Variants in SLC16A12 observed in about 807,000 individuals in gnomAD.
The protein encoded by SLC16A12 is solute carrier family 16 member 12, also known as monocarboxylate transporter 12.
SLC16A12 carries 17 observed loss-of-function variants against 42.4 expected under a neutral mutation model. The ratio of observed to expected loss-of-function variants is 0.40; its 90% CI spans 0.27 to 0.60. SLC16A12 has a LOEUF of 0.60. SLC16A12 is among the 20% of genes least tolerant of loss of function. The pLI is 0.42. For missense variants in SLC16A12, 544 were observed against 623.0 expected (o/e 0.87, Z 1.35); for synonymous variants, 224 against 229.4 (o/e 0.98, Z 0.21).
At chr10:89,446,444 G>T (rs1433060643) in intron 3 of SLC16A12, among the ~76,000 whole-genome samples, 1 of 152,182 alleles carries the variant, frequency 6.6e-6, no homozygotes, top group Admixed American at 6.5e-5. Flanking sequence ...GAGAGTGGGG[G>T]CCAATATTCA....
intron 2 of SLC16A12, among the ~76,000 whole-genome samples, chr10:89,508,966 C>T (rs1843117380): frequency 6.6e-6 from 1 of 152,104 alleles, no homozygotes; most frequent in African/African-American, 2.4e-5. Flanking sequence ...ACTATGAACA[C>T]CTCTACACAA....
chr10:89,477,440 T>C (rs1447934091), intron 2 of SLC16A12, among the ~76,000 whole-genome samples: 1 of 151,954 alleles, frequency 6.6e-6, no homozygotes, highest in African/African-American at 2.4e-5. Context: ...GGTGCATGTC[T>C]GTAATCCCAG....
chr10:89,438,806 T>C lies in SLC16A12; in HGVS notation c.826A>G (p.Ser276Gly). 1.2e-6 allele frequency: 2 copies of C among 1,614,156 alleles called. No homozygotes were observed. Among genetic ancestry groups the C allele is most frequent in the Middle Eastern group, 1.6e-4 (1 of 6,062 alleles). The change falls in exon 6 of 8, where the codon AGT becomes GGT. Residue 276 changes from serine to glycine, a missense_variant. Ser to Gly is a moderately conservative substitution (Grantham distance 56). Transcript: ENST00000371790. ...ACAAAGTCTGACATGAGTAAAAAAC[T>C]GTACTCTTGCTGCAAACAGCAACAG... ...CLCCCLQQEY[S>G]FLLMSDFVVL...
Position 89,460,782 on chromosome 10 carries a change from T to C in SLC16A12, c.200+1597A>G, listed in dbSNP as rs182274185. On this transcript the variant is annotated intron_variant, in intron 3 of 7. Coordinates refer to ENST00000371790, the MANE Select transcript of SLC16A12 (RefSeq NM_213606.4). ...AAAAAAAAAAAATCACACTTCATAG[T>C]ATTTCTGGTTCTAGGTCAGGGAGGA... is the stretch of plus-strand genomic sequence containing the variant. Among the ~76,000 whole-genome samples the C allele has an allele frequency of 1.8e-3, 274 of 149,812 alleles. 1 individual carries two copies. Among genetic ancestry groups the C allele is most frequent in the African/African-American group, 6.3e-3 (256 of 40,598 alleles).
intron 1 of SLC16A12, among the ~76,000 whole-genome samples, chr10:89,535,236 A>G (rs1482961485): frequency 6.6e-6 from 1 of 151,926 alleles, no homozygotes; most frequent in Non-Finnish European, 1.5e-5. Context: ...CGCAGCGCAG[A>G]CCCAACCCAG....
At chr10:89,448,151 A>G (rs943058873) in intron 3 of SLC16A12, among the ~76,000 whole-genome samples, 1 of 152,188 alleles carries the variant, frequency 6.6e-6, no homozygotes, top group Non-Finnish European at 1.5e-5. Flanking sequence ...CAGGACCAGA[A>G]GGATTCACAG....
intron 2 of SLC16A12, among the ~76,000 whole-genome samples, chr10:89,494,249 C>T (rs1300488099): frequency 2.0e-5 from 3 of 152,196 alleles, no homozygotes; most frequent in Non-Finnish European, 4.4e-5. Context: ...TTCATACACA[C>T]TGTTGACAGC....
At chr10:89,508,461 C>G (rs1463936363) in intron 2 of SLC16A12, among the ~76,000 whole-genome samples, 1 of 152,178 alleles carries the variant, frequency 6.6e-6, no homozygotes, top group Non-Finnish European at 1.5e-5. Context: ...ACTGAACAAC[C>G]TGCTCCTGAA....
chr10:89,464,120 T>A (rs748522312), intron 2 of SLC16A12, among the ~76,000 whole-genome samples: 1 of 152,218 alleles, frequency 6.6e-6, no homozygotes, highest in African/African-American at 2.4e-5. Flanking sequence ...CAGGGAACCA[T>A]GGGCAGCCTG....
intron 3 of SLC16A12, among the ~76,000 whole-genome samples, chr10:89,459,671 T>A (rs973264744): frequency 6.6e-6 from 1 of 152,176 alleles, no homozygotes; most frequent in Non-Finnish European, 1.5e-5. Context: ...CCGGGCATGG[T>A]GCCTCGCCCC....
Position 89,439,097 on chromosome 10 carries a change from C to T in SLC16A12, c.535G>A (p.Ala179Thr), listed in dbSNP as rs983274882. Reference protein sequence around the residue: ...SRRKALAYGIAMSGSGIGTFI... With the variant: ...SRRKALAYGITMSGSGIGTFI... The stretch of plus-strand genomic sequence containing the variant: ...GTGCCAATGCCACTTCCTGACATGG[C>T]GATACCATAAGCAAGGGCTTTCCGT... The change falls in exon 6 of 8, where the codon GCC (alanine) becomes ACC (threonine). Residue 179 changes from alanine to threonine, a missense_variant. By Grantham distance (58) the Ala-to-Thr change is moderately conservative. Coordinates refer to ENST00000371790, the MANE Select transcript of SLC16A12 (RefSeq NM_213606.4). The T allele has an allele frequency of 1.2e-5, 19 of 1,613,392 alleles. No homozygotes were observed. The highest frequency in any genetic ancestry group is 1.5e-5 in the Non-Finnish European group (18 of 1,179,710).
rs1842265027 is a variant in SLC16A12, at chr10:89,459,773, C to G, written c.200+2606G>C. Among the ~76,000 whole-genome samples the G allele has an allele frequency of 2.0e-5, 3 of 152,168 alleles. No homozygotes were observed. In the South Asian group the frequency reaches 6.2e-4, roughly 32 times the overall value. On this transcript the variant is annotated intron_variant, in intron 3 of 7. Coordinates refer to ENST00000371790, the MANE Select transcript of SLC16A12 (RefSeq NM_213606.4). ...TGGCCAACATGGTGAAACCCCGTCT[C>G]TATTAAAAATACAAAAAATTAGCTG...
upstream of SLC16A12, among the ~76,000 whole-genome samples, chr10:89,536,279 C>T (rs1160840280): frequency 1.3e-5 from 2 of 152,180 alleles, no homozygotes; most frequent in African/African-American, 4.8e-5. Flanking sequence ...GCTAGCCAAT[C>T]CTTCCCATTT....
At chr10:89,463,808 G>A (rs1842344596) in intron 2 of SLC16A12, among the ~76,000 whole-genome samples, 2 of 152,120 alleles carry the variant, frequency 1.3e-5, no homozygotes, top group Admixed American at 6.6e-5. Context: ...GTCAGGCACC[G>A]TTTTAGGGCA....
chr10:89,523,903 G>C (rs1055856424), intron 2 of SLC16A12, among the ~76,000 whole-genome samples: 11 of 152,146 alleles, frequency 7.2e-5, no homozygotes, highest in African/African-American at 2.7e-4. Context: ...AAAACAAAAG[G>C]TGCAATGACT....
intron 2 of SLC16A12, among the ~76,000 whole-genome samples, chr10:89,540,844 T>G (rs1394099002): frequency 1.3e-5 from 2 of 152,198 alleles, no homozygotes; most frequent in East Asian, 1.9e-4. Flanking sequence ...GCATTGAATT[T>G]GAAATCAGAA....
intron 2 of SLC16A12, among the ~76,000 whole-genome samples, chr10:89,547,169 TA>T (rs1428979944): frequency 3.9e-5 from 6 of 152,132 alleles, no homozygotes; most frequent in Admixed American, 1.3e-4. Flanking sequence ...AGAATGAATT[TA>T]AAAAAATTCA....
At chr10:89,509,157 A>C (rs570344870) in intron 2 of SLC16A12, among the ~76,000 whole-genome samples, 2 of 152,344 alleles carry the variant, frequency 1.3e-5, no homozygotes, top group Non-Finnish European at 2.9e-5. Context: ...GCCGAATTCT[A>C]CCAGAGTTAT....
At chr10:89,519,096 A>T (rs1843305938) in intron 2 of SLC16A12, among the ~76,000 whole-genome samples, 1 of 152,198 alleles carries the variant, frequency 6.6e-6, no homozygotes, top group Admixed American at 6.5e-5. Context: ...TTGTTGAAAT[A>T]ATTCTATGGG....
Sources: allele counts gnomAD v4.1 joint callset (sites outside exome capture counted in the v4.1 genomes callset), GRCh38; gene constraint gnomAD v4.1.1; transcripts MANE v1.5; gene names NCBI Gene and HGNC (gene_info 2026-07-23, HGNC 2026-07-21).